Variants in NOPCHAP1 observed in about 807,000 individuals in gnomAD.
The protein encoded by NOPCHAP1 is NOP protein chaperone 1.
In NOPCHAP1, 13 loss-of-function variants were observed where a neutral mutation model predicts 14.0. The ratio of observed to expected loss-of-function variants is 0.93; its 90% CI spans 0.60 to 1.47. The LOEUF (loss-of-function observed/expected upper bound fraction) is 1.47, where lower values mean the gene tolerates loss of function less well. Among genes scored for constraint, NOPCHAP1 ranks in the 40% most tolerant of loss-of-function variants. The pLI is 0.00. For missense variants in NOPCHAP1, 230 were observed against 226.9 expected, an observed-to-expected ratio of 1.01 and a Z score of -0.09; for synonymous variants, 78 against 78.4, an observed-to-expected ratio of 1.00 and a Z score of 0.03.
At position 104,998,559 on chromosome 12, in the gene NOPCHAP1, G is replaced by A. The variant is rs1253058705; in HGVS notation, c.*3863G>A. ...GGTTAGGTACCTGCTGTGCTAGAGGGGCCAAGATATTTCTGGACCACTGGT... is the reference window on the plus strand; with the variant it reads ...GGTTAGGTACCTGCTGTGCTAGAGGAGCCAAGATATTTCTGGACCACTGGT... On this transcript the variant is annotated 3_prime_UTR_variant, in exon 4 of 4. Coordinates refer to ENST00000552951, the MANE Select transcript of NOPCHAP1 (RefSeq NM_152318.3). 6.6e-6 allele frequency: 1 copy of A among 152,262 alleles called. No homozygotes were observed. The highest frequency in any genetic ancestry group is 6.5e-5 in the Admixed American group (1 of 15,282). The allele number at this position is 152,262 out of a possible 1,614,324, so 9.4% of individuals were successfully genotyped here.
In NOPCHAP1 at chr12:104,994,543, A is replaced by G; in HGVS notation, c.405A>G (p.Ser135=). 2.5e-6 allele frequency: 4 copies of G among 1,613,324 alleles called. No homozygotes were observed. In the South Asian group the frequency reaches 4.4e-5, roughly 18 times the overall value. Reference sequence around the variant, plus strand: ...AAGTGGACAGTTCAGAAGAGAGTTCACAAGACAGTTCAGAGAACAGTTCAG... The same window carrying G: ...AAGTGGACAGTTCAGAAGAGAGTTCGCAAGACAGTTCAGAGAACAGTTCAG... ...SKEVDSSEES[S]QDSSENSSES... The change falls in exon 4 of 4, where the codon TCA becomes TCG. Residue 135 remains serine (S), a synonymous_variant. Coordinates refer to ENST00000552951, the MANE Select transcript of NOPCHAP1 (RefSeq NM_152318.3).
chr12:104,991,706 C>A lies in NOPCHAP1; in HGVS notation c.203-6C>A. 2 of 1,591,704 alleles carry A rather than the reference C, an allele frequency of 1.3e-6. No individual in the cohort carries two copies. The highest frequency in any genetic ancestry group is 2.2e-5 in the East Asian group (1 of 44,652). On this transcript the variant is annotated splice_region_variant and splice_polypyrimidine_tract_variant and intron_variant, in intron 2 of 3. Transcript: ENST00000552951. ...AATGTTGATATGCTGTATTTACTTT[C>A]CACAGTATTGGACCAGGTACAGACA... is the stretch of plus-strand genomic sequence containing the variant.
Position 104,994,606 on chromosome 12 carries a change from C to A in NOPCHAP1, c.468C>A (p.Val156=). 1 of 1,613,724 alleles carries A rather than the reference C, an allele frequency of 6.2e-7. No homozygotes were observed. Among genetic ancestry groups the A allele is most frequent in the South Asian group, 1.1e-5 (1 of 91,002 alleles). ...EDEDDSIPSE[V]TIDNIKLPNS... ...AAGATGACAGCATCCCATCTGAAGT[C>A]ACCATAGATAACATTAAGCTTCCCA... Residue 156 remains valine (V), a synonymous_variant, in exon 4 of 4, where the codon GTC becomes GTA. Coordinates refer to ENST00000552951, the MANE Select transcript of NOPCHAP1 (RefSeq NM_152318.3).
In NOPCHAP1 at chr12:104,996,249, T is replaced by A. The variant is rs1873499673; in HGVS notation, c.*1553T>A. 6.6e-6 allele frequency: 1 copy of A among 152,148 alleles called. No homozygotes were observed. Among genetic ancestry groups the A allele is most frequent in the Non-Finnish European group, 1.5e-5 (1 of 68,032 alleles). The allele number at this position is 152,148 out of a possible 1,614,324, so 9.4% of individuals were successfully genotyped here. A position where few individuals can be genotyped will look rare whatever the true frequency, so the allele number is the denominator to read the frequency against. On this transcript the variant is annotated 3_prime_UTR_variant, in exon 4 of 4. Coordinates refer to ENST00000552951, the MANE Select transcript of NOPCHAP1 (RefSeq NM_152318.3). ...CTACCTAGTGGTATTTGAGCATCAG[T>A]CAGTTCAGTTCATCCACTGGTACAT...
chr12:104,993,498 C>A (rs963061669), intron 3 of NOPCHAP1, among the ~76,000 whole-genome samples: 2 of 152,156 alleles, frequency 1.3e-5, no homozygotes, highest in Admixed American at 1.3e-4. Context: ...GCTCTTCCCC[C>A]AGCTGTGGTA....
rs1439881503 is a variant in NOPCHAP1 at position 104,986,475 on chromosome 12, AC to A, written c.115+9del. On this transcript the variant is annotated intron_variant, in intron 1 of 3. Transcript: ENST00000552951. ...GAAGCGACGGCCGCGGAGGTGACGG[AC>A]GGGTGACGGCGGCATGGGCCGCACA... 1 of 1,592,766 alleles carries A rather than the reference AC, an allele frequency of 6.3e-7. No individual in the cohort carries two copies. Among genetic ancestry groups the A allele is most frequent in the South Asian group, 1.1e-5 (1 of 88,816 alleles).
chr12:104,988,175 G>T lies in NOPCHAP1; in HGVS notation c.124G>T (p.Asp42Tyr), dbSNP rs1873284871. 1 of 1,610,316 alleles carries T rather than the reference G, an allele frequency of 6.2e-7. No homozygotes were observed. Among genetic ancestry groups the T allele is most frequent in the Non-Finnish European group, 8.5e-7 (1 of 1,177,182 alleles). The change falls in exon 2 of 4, where the codon GAC becomes TAC. Residue 42 changes from aspartate to tyrosine, a missense_variant. Transcript: ENST00000552951. ...TGTGTCTGTATTTTCAGGTATATGG[G>T]ACAGGTTGCTCATCAACTCCCAACC... The part of the protein sequence containing the change: ...AGSDGRGGIW[D>Y]RLLINSQPKS...
chr12:104,994,917 G>A lies in NOPCHAP1; in HGVS notation c.*221G>A. The A allele has an allele frequency of 2.0e-6, 1 of 502,658 alleles. No homozygotes were observed. The allele number at this position is 502,658 out of a possible 1,614,324, so 31.1% of individuals were successfully genotyped here. A position where few individuals can be genotyped will look rare whatever the true frequency, so the allele number is the denominator to read the frequency against. ...GGGGTTCAGAGACCTCCGCTCTACA[G>A]CAAGGAAAGTGTGCTTTTATCAGCT... On this transcript the variant is annotated 3_prime_UTR_variant, in exon 4 of 4. Transcript: ENST00000552951.
rs929149239 is a variant in NOPCHAP1 at position 105,010,231 on chromosome 12, G to A, written c.*15535G>A. On this transcript the variant is annotated 3_prime_UTR_variant, in exon 4 of 4. Transcript: ENST00000552951. ...TCCAGGAATTTATCCATTTCTTCTA[G>A]ATTTTCTAGAGGTGTTTATAGTTAT... 5 of 152,146 alleles carry A rather than the reference G, an allele frequency of 3.3e-5. No individual in the cohort carries two copies. Among genetic ancestry groups the A allele is most frequent in the African/African-American group, 1.2e-4 (5 of 41,436 alleles). The allele number at this position is 152,146 out of a possible 1,614,324, so 9.4% of individuals were successfully genotyped here.
In NOPCHAP1 at chr12:105,009,015, TG is replaced by T. The variant is rs1873762104; in HGVS notation, c.*14320del. 1 of 152,208 alleles carries T rather than the reference TG, an allele frequency of 6.6e-6. No individual in the cohort carries two copies. The highest frequency in any genetic ancestry group is 1.5e-5 in the Non-Finnish European group (1 of 68,034). The allele number at this position is 152,208 out of a possible 1,614,324, so 9.4% of individuals were successfully genotyped here. ...TTTAAAGTAGTTTTTTCTAATTCTGTGAAGAAAGTCAATGGTAGCTTGATGG... is the reference window on the plus strand; with the variant it reads ...TTTAAAGTAGTTTTTTCTAATTCTGTAAGAAAGTCAATGGTAGCTTGATGG... On this transcript the variant is annotated 3_prime_UTR_variant, in exon 4 of 4. Transcript: ENST00000552951.
In NOPCHAP1 at chr12:105,009,363, T is replaced by C. The variant is rs557436285; in HGVS notation, c.*14667T>C. Reference sequence around the variant, plus strand: ...AAATTGCTTATCAGCTTAAGGAGTTTTTGGGCTAAGATGATGGGGTTTTCT... The same window carrying C: ...AAATTGCTTATCAGCTTAAGGAGTTCTTGGGCTAAGATGATGGGGTTTTCT... On this transcript the variant is annotated 3_prime_UTR_variant, in exon 4 of 4. Transcript: ENST00000552951. 6.6e-6 allele frequency: 1 copy of C among 152,320 alleles called. No individual in the cohort carries two copies. The highest frequency in any genetic ancestry group is 1.9e-4 in the East Asian group (1 of 5,188). The allele number at this position is 152,320 out of a possible 1,614,324, so 9.4% of individuals were successfully genotyped here. A position where few individuals can be genotyped will look rare whatever the true frequency, so the allele number is the denominator to read the frequency against.
intron 2 of NOPCHAP1, among the ~76,000 whole-genome samples, chr12:104,991,298 T>G (rs1422092690): frequency 2.0e-5 from 3 of 152,160 alleles, no homozygotes; most frequent in Admixed American, 6.5e-5. Flanking sequence ...GTATGTTGGG[T>G]AGGCAGAAAT....
chr12:104,990,650 C>T (rs1842927977), intron 2 of NOPCHAP1, among the ~76,000 whole-genome samples: 1 of 152,154 alleles, frequency 6.6e-6, no homozygotes, highest in South Asian at 2.1e-4. Flanking sequence ...TGGTTATGTG[C>T]TGGGCCTCTT....
chr12:104,996,438 G>A lies in NOPCHAP1; in HGVS notation c.*1742G>A, dbSNP rs1019055526. 2.0e-5 allele frequency: 3 copies of A among 151,342 alleles called. No homozygotes were observed. Among genetic ancestry groups the A allele is most frequent in the Admixed American group, 1.3e-4 (2 of 15,236 alleles). The allele number at this position is 151,342 out of a possible 1,614,324, so 9.4% of individuals were successfully genotyped here. ...GTTATATAGACAAATTGGGTATTGT[G>A]GGGGTTTGGTGTACAGATTATTTCA... On this transcript the variant is annotated 3_prime_UTR_variant, in exon 4 of 4. Transcript: ENST00000552951.
Position 105,001,227 on chromosome 12 carries a change from T to G in NOPCHAP1, c.*6531T>G, listed in dbSNP as rs938379599. On this transcript the variant is annotated 3_prime_UTR_variant, in exon 4 of 4. Coordinates refer to ENST00000552951, the MANE Select transcript of NOPCHAP1 (RefSeq NM_152318.3). Reference sequence around the variant, plus strand: ...GAAGGAAACATACTTTCTAATAACTTATTGTCATAGCATTGGCCTTCCTAC... The same window carrying G: ...GAAGGAAACATACTTTCTAATAACTGATTGTCATAGCATTGGCCTTCCTAC... 6.6e-6 allele frequency: 1 copy of G among 152,144 alleles called. No individual in the cohort carries two copies. Among genetic ancestry groups the G allele is most frequent in the African/African-American group, 2.4e-5 (1 of 41,426 alleles). The allele number at this position is 152,144 out of a possible 1,614,324, so 9.4% of individuals were successfully genotyped here. A position where few individuals can be genotyped will look rare whatever the true frequency, so the allele number is the denominator to read the frequency against.
chr12:104,993,189 T>C (rs1351498234), intron 3 of NOPCHAP1, among the ~76,000 whole-genome samples: 2 of 152,182 alleles, frequency 1.3e-5, no homozygotes, highest in Non-Finnish European at 2.9e-5. Context: ...TTATTGCCTT[T>C]CTTTCGCCTC....
chr12:105,005,494 C>G lies in NOPCHAP1; in HGVS notation c.*10798C>G, dbSNP rs1157540599. The G allele has an allele frequency of 6.6e-6, 1 of 152,214 alleles. No individual in the cohort carries two copies. The highest frequency in any genetic ancestry group is 1.5e-5 in the Non-Finnish European group (1 of 68,062). 9.4% of individuals were successfully genotyped at this position (152,214 alleles called of 1,614,324 possible). On this transcript the variant is annotated 3_prime_UTR_variant, in exon 4 of 4. Transcript: ENST00000552951. Reference sequence around the variant, plus strand: ...ACAGAGTTACACCCTATGCAAACATCTGATTGGTTGTGGAAGGTGAAGTGA... The same window carrying G: ...ACAGAGTTACACCCTATGCAAACATGTGATTGGTTGTGGAAGGTGAAGTGA...
chr12:104,988,170 T>C lies in NOPCHAP1; in HGVS notation c.119T>C (p.Ile40Thr), dbSNP rs1240681412. The C allele has an allele frequency of 6.2e-7, 1 of 1,608,734 alleles. No individual in the cohort carries two copies. The highest frequency in any genetic ancestry group is 1.1e-5 in the South Asian group (1 of 90,578). ...GTTTGTGTGTCTGTATTTTCAGGTA[T>C]ATGGGACAGGTTGCTCATCAACTCC... ...LTAGSDGRGG[I>T]WDRLLINSQP... Residue 40 changes from isoleucine to threonine, a missense_variant, in exon 2 of 4, where the codon ATA becomes ACA. Transcript: ENST00000552951.
chr12:104,993,569 A>G (rs1427255231), intron 3 of NOPCHAP1, among the ~76,000 whole-genome samples: 2 of 152,228 alleles, frequency 1.3e-5, no homozygotes, highest in African/African-American at 2.4e-5. Flanking sequence ...CTCTCTCAAC[A>G]GTTCCAACAG....
Sources: allele counts gnomAD v4.1 joint callset (sites outside exome capture counted in the v4.1 genomes callset), GRCh38; gene constraint gnomAD v4.1.1; transcripts MANE v1.5; gene names NCBI Gene and HGNC (gene_info 2026-07-23, HGNC 2026-07-21).